DNMT3A: variants seen among roughly 807,000 people sequenced by gnomAD.
DNMT3A encodes DNA methyltransferase 3 alpha, also known as DNA (cytosine-5)-methyltransferase 3A.
In DNMT3A, 267 loss-of-function variants were observed where a neutral mutation model predicts 117.6. The ratio of observed to expected loss-of-function variants is 2.27; its 90% CI spans 2.05 to 2.51. The LOEUF (loss-of-function observed/expected upper bound fraction) is 2.51, where lower values mean the gene tolerates loss of function less well. Among genes scored for constraint, DNMT3A ranks in the 30% most tolerant of loss-of-function variants. DNMT3A has a pLI of 0.00. For synonymous variants in DNMT3A, 432 were observed against 474.8 expected, an observed-to-expected ratio of 0.91 and a Z score of 1.17; for missense variants, 1,029 against 1,260.2, an observed-to-expected ratio of 0.82 and a Z score of 2.78.
chr2:25,334,738 G>C (rs759513064), intron 1 of DNMT3A, among the ~76,000 whole-genome samples: 3 of 152,140 alleles, frequency 2.0e-5, no homozygotes, highest in Non-Finnish European at 2.9e-5. Flanking sequence ...TTGCTCAGAG[G>C]CCTTAATATC....
rs1466830654 is a variant in DNMT3A, at chr2:25,237,044, G to T, written c.2409-39C>A. The T allele has an allele frequency of 1.9e-6, 3 of 1,607,126 alleles. No individual in the cohort carries two copies. In the African/African-American group the frequency reaches 4.0e-5, roughly 21 times the overall value. ...GAGAGACTGTAACAACAGAAACCTGGATAACAGCGGGAAGGGCCCCAGCTG... is the reference window on the plus strand; with the variant it reads ...GAGAGACTGTAACAACAGAAACCTGTATAACAGCGGGAAGGGCCCCAGCTG... On this transcript the variant is annotated intron_variant, in intron 20 of 22. Coordinates refer to ENST00000321117, the MANE Select transcript of DNMT3A (RefSeq NM_022552.5). This position sits in a 1 kb window ranked among gnomAD's most constrained non-coding sequence, Gnocchi z 5.4.
chr2:25,246,854 G>C, intron 9 of DNMT3A, 78 bp from the exon 10 acceptor site: 1 of 1,574,332 alleles, frequency 6.4e-7, no homozygotes, highest in Non-Finnish European at 8.6e-7. Context: ...GCCAGACTCT[G>C]AGTAGTGAGG....
chr2:25,236,159 G>A lies in DNMT3A; in HGVS notation c.2479-334C>T, dbSNP rs139803514. Among the ~76,000 whole-genome samples the A allele has an allele frequency of 7.9e-5, 12 of 151,552 alleles. No individual in the cohort carries two copies. Among genetic ancestry groups the A allele is most frequent in the Middle Eastern group, 3.4e-3 (1 of 292 alleles). On this transcript the variant is annotated intron_variant, in intron 21 of 22. Transcript: ENST00000321117. The surrounding 1 kb of genome is among the most constrained non-coding windows in gnomAD (Gnocchi z 4.5). ...CAGCTCACTGTAACCTCCACCTCCC[G>A]GGTTCAAGCGATTCTAATGCCTCAG...
intron 6 of DNMT3A, among the ~76,000 whole-genome samples, chr2:25,255,751 A>G (rs984739965): frequency 2.2e-4 from 34 of 152,236 alleles, no homozygotes; most frequent in Non-Finnish European, 3.8e-4. Flanking sequence ...ATGTCCTGTT[A>G]TCAATTGGTA....
chr2:25,262,953 TTTTA>T (rs1247568210), intron 6 of DNMT3A, among the ~76,000 whole-genome samples: 3 of 152,172 alleles, frequency 2.0e-5, no homozygotes, highest in East Asian at 1.9e-4. Flanking sequence ...TTTAACACTT[TTTTA>T]TTTGTTTGTT....
At chr2:25,297,198 CG>C (rs1479637074) in intron 3 of DNMT3A, among the ~76,000 whole-genome samples, 2 of 152,138 alleles carry the variant, frequency 1.3e-5, no homozygotes, top group Non-Finnish European at 2.9e-5. Flanking sequence ...CTGCTGTCCT[CG>C]GGGTCAGTCT....
intron 13 of DNMT3A, among the ~76,000 whole-genome samples, chr2:25,245,025 C>T (rs550499569): frequency 1.3e-5 from 2 of 152,332 alleles, no homozygotes; most frequent in South Asian, 4.1e-4. Context: ...TAAAATGGGG[C>T]TTGAGAGAGG....
intron 6 of DNMT3A, among the ~76,000 whole-genome samples, chr2:25,271,242 G>T (rs2030873771): frequency 6.6e-6 from 1 of 152,162 alleles, no homozygotes; most frequent in Non-Finnish European, 1.5e-5. Context: ...AGCCACTCGG[G>T]AGGCTGAGGC....
intron 2 of DNMT3A, among the ~76,000 whole-genome samples, chr2:25,301,028 T>G (rs1317307993): frequency 6.6e-6 from 1 of 151,074 alleles, no homozygotes; most frequent in East Asian, 2.0e-4. Flanking sequence ...CCTAGCACTT[T>G]GGGAGGCTGA....
At chr2:25,242,079 C>A (rs1318525993) in intron 16 of DNMT3A, 4 of 244,234 alleles carry the variant, frequency 1.6e-5, no homozygotes, top group Non-Finnish European at 3.1e-5. Flanking sequence ...TACAATTCTA[C>A]CCCACCCTTT....
rs973883321 is a variant in DNMT3A, at chr2:25,234,104, G to A, written c.*175C>T. 2.2e-5 allele frequency: 22 copies of A among 1,005,774 alleles called. No individual in the cohort carries two copies. Among genetic ancestry groups the A allele is most frequent in the Admixed American group, 1.1e-4 (3 of 28,470 alleles). 62.3% of individuals were successfully genotyped at this position (1,005,774 alleles called of 1,614,324 possible). On this transcript the variant is annotated 3_prime_UTR_variant, in exon 23 of 23. Transcript: ENST00000321117. This position sits in a 1 kb window ranked among gnomAD's most constrained non-coding sequence, Gnocchi z 4.5. ...CAGGAGATGATGTCCAACCCTTTTC[G>A]CAAGGCAAAGCCCTCCGGTATTTCC...
intron 1 of DNMT3A, chr2:25,314,747 C>A: frequency 1.0e-6 from 1 of 982,236 alleles, no homozygotes; most frequent in Non-Finnish European, 1.2e-6. Flanking sequence ...AGGCCACGGC[C>A]ACGGCCAAGG....
intron 6 of DNMT3A, among the ~76,000 whole-genome samples, chr2:25,260,847 C>G (rs747667080): frequency 1.3e-5 from 2 of 152,126 alleles, no homozygotes; most frequent in Non-Finnish European, 2.9e-5. Context: ...AAGGGCTCCA[C>G]AGAGGGCATG....
chr2:25,326,615 C>T (rs1292562909), intron 1 of DNMT3A, among the ~76,000 whole-genome samples: 2 of 152,198 alleles, frequency 1.3e-5, no homozygotes, highest in African/African-American at 4.8e-5. Flanking sequence ...TTTCTAGACC[C>T]AGTGTGCTCT....
chr2:25,305,225 C>T lies in DNMT3A; in HGVS notation c.73-4982G>A, dbSNP rs1314946678. On this transcript the variant is annotated intron_variant, in intron 2 of 22. Coordinates refer to ENST00000321117, the MANE Select transcript of DNMT3A (RefSeq NM_022552.5). This position sits in a 1 kb window ranked among gnomAD's most constrained non-coding sequence, Gnocchi z 4.1. ...AGGAAACAAGAGGACTAAAACGTCC[C>T]TTCTAGACTTAAACATAATTGTCAC... 6.6e-6 allele frequency among the ~76,000 whole-genome samples: 1 copy of T among 152,206 alleles called. No individual in the cohort carries two copies. Among genetic ancestry groups the T allele is most frequent in the African/African-American group, 2.4e-5 (1 of 41,440 alleles).
chr2:25,272,446 G>C (rs2030993011), intron 6 of DNMT3A, among the ~76,000 whole-genome samples: 1 of 152,212 alleles, frequency 6.6e-6, no homozygotes, highest in Admixed American at 6.5e-5. Context: ...GAGAATCATG[G>C]AATTTCTGAA....
At position 25,248,226 on chromosome 2, in the gene DNMT3A, T is replaced by C; in HGVS notation, c.666A>G (p.Ala222=). 1 of 1,612,526 alleles carries C rather than the reference T, an allele frequency of 6.2e-7. No individual in the cohort carries two copies. The highest frequency in any genetic ancestry group is 8.5e-7 in the Non-Finnish European group (1 of 1,179,614). Residue 222 remains alanine (A), a synonymous_variant, in exon 7 of 23, where the codon GCA becomes GCG. Coordinates refer to ENST00000321117, the MANE Select transcript of DNMT3A (RefSeq NM_022552.5). ...GGTTTTCTTCCACAGCATTCATTCCTGCAATGACCTTGGCTTTCTTCTCAG... is the reference window on the plus strand; with the variant it reads ...GGTTTTCTTCCACAGCATTCATTCCCGCAATGACCTTGGCTTTCTTCTCAG... ...REAEKKAKVI[A]GMNAVEENQG...
intron 1 of DNMT3A, among the ~76,000 whole-genome samples, chr2:25,319,879 C>T (rs1249076300): frequency 1.3e-5 from 2 of 151,814 alleles, no homozygotes; most frequent in Non-Finnish European, 2.9e-5. Flanking sequence ...AAGCAATTCT[C>T]TTGCCTCAGC....
chr2:25,339,709 C>T lies in DNMT3A; in HGVS notation c.-178+2117G>A, dbSNP rs1034829160. ...AACCCAGCAGGAACTCCCTACAACC[C>T]AACTCTCCAAAGGCAGGCAGCTCAG... On this transcript the variant is annotated intron_variant, in intron 1 of 22. Coordinates refer to ENST00000321117, the MANE Select transcript of DNMT3A (RefSeq NM_022552.5). This position sits in a 1 kb window ranked among gnomAD's most constrained non-coding sequence, Gnocchi z 4.9. Among the ~76,000 whole-genome samples the T allele has an allele frequency of 2.0e-5, 3 of 152,206 alleles. No homozygotes were observed. The highest frequency in any genetic ancestry group is 4.4e-5 in the Non-Finnish European group (3 of 68,024).
Sources: allele counts gnomAD v4.1 joint callset (sites outside exome capture counted in the v4.1 genomes callset), GRCh38; gene constraint gnomAD v4.1.1; non-coding constraint Gnocchi (gnomAD v3.1); transcripts MANE v1.5; gene names NCBI Gene and HGNC (gene_info 2026-07-23, HGNC 2026-07-21).